SLCO1B3: variants seen among roughly 807,000 people sequenced by gnomAD.
SLCO1B3 encodes solute carrier organic anion transporter family member 1B3, also known as liver-specific organic anion transporter 2.
A neutral mutation model predicts 71.8 loss-of-function variants in SLCO1B3; 72 were observed. The observed-to-expected ratio is 1.00, with a 90% confidence interval of 0.83 to 1.22. SLCO1B3 has a LOEUF of 1.22. SLCO1B3 is among the 50% of genes most tolerant of loss of function. The pLI is 0.00. For synonymous variants in SLCO1B3, 298 were observed against 278.4 expected, an observed-to-expected ratio of 1.07 and a Z score of -0.70; for missense variants, 911 against 819.7, an observed-to-expected ratio of 1.11 and a Z score of -1.36.
intron 13 of SLCO1B3, among the ~76,000 whole-genome samples, chr12:20,886,922 C>T (rs1865802088): frequency 6.6e-6 from 1 of 151,958 alleles, no homozygotes; most frequent in Admixed American, 6.6e-5. Context: ...TCTGTAAGTC[C>T]TTGTGTGCCC....
chr12:20,879,039 G>A (rs560612928), intron 10 of SLCO1B3, among the ~76,000 whole-genome samples: 1 of 152,070 alleles, frequency 6.6e-6, no homozygotes, highest in East Asian at 1.9e-4. Context: ...CAGAAAAAAA[G>A]AAAGCTCCTC....
At chr12:20,855,357 G>T (rs2121225228) in intron 4 of SLCO1B3, among the ~76,000 whole-genome samples, 188 bp downstream of exon 4, 1 of 152,226 alleles carries the variant, frequency 6.6e-6, no homozygotes, top group African/African-American at 2.4e-5. Context: ...CTGGTACCTA[G>T]GGGTAGAGGT....
At chr12:20,850,310 C>T (rs988423683) in intron 3 of SLCO1B3, among the ~76,000 whole-genome samples, 10 of 148,266 alleles carry the variant, frequency 6.7e-5, no homozygotes, top group Admixed American at 2.1e-4. Flanking sequence ...GACAGAGTCT[C>T]GCTCTGTCGC....
intron 13 of SLCO1B3, among the ~76,000 whole-genome samples, chr12:20,895,634 T>G (rs1414552431): frequency 6.6e-6 from 1 of 152,130 alleles, no homozygotes. Flanking sequence ...CTTCTCGGGT[T>G]GGCGTTGAGA....
intron 13 of SLCO1B3, among the ~76,000 whole-genome samples, chr12:20,896,738 C>T (rs1317173187): frequency 2.6e-5 from 4 of 152,166 alleles, no homozygotes; most frequent in Non-Finnish European, 5.9e-5. Context: ...TTTTTAGCAA[C>T]GTCCCACTCT....
chr12:20,817,754 A>AT (rs544791647), intron 3 of SLCO1B3, among the ~76,000 whole-genome samples: 17,844 of 148,232 alleles, frequency 0.12, 1,109 homozygotes, highest in Middle Eastern at 0.17. Context: ...CACCCAGCTA[A>AT]TTTTTTTTTT....
At chr12:20,818,344 A>T (rs1054574097) in intron 3 of SLCO1B3, among the ~76,000 whole-genome samples, 1 of 152,228 alleles carries the variant, frequency 6.6e-6, no homozygotes, top group Admixed American at 6.5e-5. Context: ...CTGGTCTTTT[A>T]TCAGACTGTA....
rs12579677 is a variant in SLCO1B3 at position 20,858,858 on chromosome 12, A to G, written c.359+287A>G. Reference sequence around the variant, plus strand: ...TCTTATTTACCAATTTTAGTATAACATATGTATTTTATGTTTTTGCCTGTA... The same window carrying G: ...TCTTATTTACCAATTTTAGTATAACGTATGTATTTTATGTTTTTGCCTGTA... On this transcript the variant is annotated intron_variant, in intron 5 of 15. Coordinates refer to ENST00000381545, the MANE Select transcript of SLCO1B3 (RefSeq NM_019844.4). 0.058 allele frequency: 10,243 copies of G among 177,972 alleles called. 372 individuals are homozygous for G. The highest frequency in any genetic ancestry group is 0.17 in the East Asian group (1,194 of 7,046). 11.0% of individuals were successfully genotyped at this position (177,972 alleles called of 1,614,324 possible).
intron 11 of SLCO1B3, among the ~76,000 whole-genome samples, chr12:20,880,268 G>A (rs1290155855): frequency 6.7e-6 from 1 of 148,300 alleles, no homozygotes. Flanking sequence ...AAAATATGCA[G>A]AGATTTTTTA....
At chr12:20,883,629 C>T in intron 13 of SLCO1B3, 27 bp downstream of exon 13, 1 of 1,480,332 alleles carries the variant, frequency 6.8e-7, no homozygotes, top group Non-Finnish European at 9.2e-7. Context: ...AAAACATTGT[C>T]ATGTATATTA....
At chr12:20,877,316 A>G (rs1865602200) in intron 9 of SLCO1B3, among the ~76,000 whole-genome samples, 1 of 152,176 alleles carries the variant, frequency 6.6e-6, no homozygotes, top group African/African-American at 2.4e-5. Flanking sequence ...GGAATGGTTA[A>G]AATACTAAGT....
intron 3 of SLCO1B3, among the ~76,000 whole-genome samples, chr12:20,850,979 C>CTTG (rs1865016610): frequency 6.6e-6 from 1 of 152,172 alleles, no homozygotes; most frequent in African/African-American, 2.4e-5. Flanking sequence ...TATTTTTTGA[C>CTTG]TTGTTAATAA....
intron 3 of SLCO1B3, among the ~76,000 whole-genome samples, chr12:20,833,849 GTT>G (rs1012505538): frequency 5.6e-4 from 82 of 146,110 alleles, no homozygotes; most frequent in African/African-American, 1.8e-3. Flanking sequence ...GTTTAAATAA[GTT>G]TATATACTCT....
chr12:20,864,909 T>A (rs867323253), intron 8 of SLCO1B3, among the ~76,000 whole-genome samples: 13 of 152,166 alleles, frequency 8.5e-5, no homozygotes, highest in Middle Eastern at 3.4e-3. Flanking sequence ...TGGGGAGAGT[T>A]GTTGTTGGTG....
rs764470380 is a variant in SLCO1B3 at position 20,861,167 on chromosome 12, A to T, written c.481+29A>T. ...AGAATTAATAGTGACAGTAAAACAA[A>T]TTCTAGATTGATAGATTTAATCACG... On this transcript the variant is annotated intron_variant, in intron 6 of 15. Coordinates refer to ENST00000381545, the MANE Select transcript of SLCO1B3 (RefSeq NM_019844.4). 36 of 1,522,094 alleles carry T rather than the reference A, an allele frequency of 2.4e-5. No homozygotes were observed. The Admixed American group carries it at 5.4e-4, about 23-fold the overall frequency. 94.3% of individuals were successfully genotyped at this position (1,522,094 alleles called of 1,614,324 possible). A position where few individuals can be genotyped will look rare whatever the true frequency, so the allele number is the denominator to read the frequency against.
In SLCO1B3 at chr12:20,875,266, T is replaced by C. The variant is rs61736830; in HGVS notation, c.759T>C (p.Arg253=). The change falls in exon 9 of 16, where the codon CGT becomes CGC. Residue 253 remains arginine (R), a synonymous_variant. Coordinates refer to ENST00000381545, the MANE Select transcript of SLCO1B3 (RefSeq NM_019844.4). ...STIRITPKDS[R]WVGAWWLGFL... Reference sequence around the variant, plus strand: ...TCAGAATAACTCCTAAGGACTCTCGTTGGGTTGGAGCTTGGTGGCTTGGTT... The same window carrying C: ...TCAGAATAACTCCTAAGGACTCTCGCTGGGTTGGAGCTTGGTGGCTTGGTT... The C allele has an allele frequency of 1.9e-6, 3 of 1,612,336 alleles. No homozygotes were observed. Among genetic ancestry groups the C allele is most frequent in the Admixed American group, 3.4e-5 (2 of 59,270 alleles).
At chr12:20,863,057 AAG>A (rs1415560678) in intron 8 of SLCO1B3, among the ~76,000 whole-genome samples, 2 of 152,240 alleles carry the variant, frequency 1.3e-5, no homozygotes, top group African/African-American at 4.8e-5. Flanking sequence ...TAAGTATAAA[AAG>A]AGATTTTTAA....
intron 13 of SLCO1B3, among the ~76,000 whole-genome samples, chr12:20,884,920 C>T: frequency 6.6e-6 from 1 of 152,102 alleles, no homozygotes; most frequent in South Asian, 2.1e-4. Flanking sequence ...AGTATAGCTT[C>T]ATCTTAATAT....
chr12:20,814,670 C>T (rs921352294), intron 2 of SLCO1B3, among the ~76,000 whole-genome samples: 22 of 152,178 alleles, frequency 1.4e-4, no homozygotes, highest in Admixed American at 1.4e-3. Context: ...GCGGGCGGAT[C>T]AGGAGGTCAG....
Sources: allele counts gnomAD v4.1 joint callset (sites outside exome capture counted in the v4.1 genomes callset), GRCh38; gene constraint gnomAD v4.1.1; transcripts MANE v1.5; gene names NCBI Gene and HGNC (gene_info 2026-07-23, HGNC 2026-07-21).